Variants in CTNNA2 observed in about 807,000 individuals in gnomAD.
CTNNA2 encodes the protein catenin alpha 2.
In CTNNA2, 42 loss-of-function variants were observed where a neutral mutation model predicts 101.0. The observed-to-expected ratio is 0.42, with a 90% CI of 0.32 to 0.54. The LOEUF is 0.54. Ranked by LOEUF, CTNNA2 falls within the 20% of genes least tolerant of loss-of-function variation. The probability of loss-of-function intolerance (pLI) is 0.14; values close to 1 mark genes in which losing one functional copy is unlikely to be tolerated. For missense variants in CTNNA2, 871 were observed against 1,223.1 expected (o/e 0.71, Z 4.29); for synonymous variants, 450 against 456.4 (o/e 0.99, Z 0.18).
chr2:79,875,418 T>C (rs548014085), intron 6 of CTNNA2, among the ~76,000 whole-genome samples: 2 of 152,304 alleles, frequency 1.3e-5, no homozygotes, highest in Admixed American at 1.3e-4. Flanking sequence ...CACCATTTAA[T>C]TGATAAAACA....
intron 2 of CTNNA2, among the ~76,000 whole-genome samples, chr2:79,272,403 C>T (rs1320063964): frequency 6.6e-6 from 1 of 151,918 alleles, no homozygotes; most frequent in East Asian, 1.9e-4. Flanking sequence ...AAAAACCAAA[C>T]AAAAATGGTG....
At chr2:80,154,701 T>C (rs571330972) in intron 7 of CTNNA2, among the ~76,000 whole-genome samples, 2 of 152,308 alleles carry the variant, frequency 1.3e-5, no homozygotes, top group South Asian at 4.1e-4. Context: ...TCACTCCTAA[T>C]ACCTGCTGAG....
intron 2 of CTNNA2, among the ~76,000 whole-genome samples, chr2:79,721,562 G>A (rs933537870): frequency 3.0e-4 from 45 of 152,176 alleles, no homozygotes; most frequent in African/African-American, 8.9e-4. Flanking sequence ...TCATATCATT[G>A]CCAGACCTAC....
intron 3 of CTNNA2, among the ~76,000 whole-genome samples, chr2:79,796,096 A>G (rs1310152084): frequency 6.6e-6 from 1 of 152,140 alleles, no homozygotes; most frequent in Non-Finnish European, 1.5e-5. Context: ...CTGCTCTTTA[A>G]TACATTTATA....
chr2:79,517,754 C>T (rs573508523), intron 1 of CTNNA2, among the ~76,000 whole-genome samples: 219 of 152,306 alleles, frequency 1.4e-3, no homozygotes, highest in Non-Finnish European at 2.5e-3. Context: ...ACTCATAACA[C>T]ATTTTACAAA....
chr2:80,295,872 A>T (rs1675694957), intron 7 of CTNNA2, among the ~76,000 whole-genome samples: 1 of 152,174 alleles, frequency 6.6e-6, no homozygotes, highest in Admixed American at 6.5e-5. Context: ...CTAGTTCCTT[A>T]TAATTTCATC....
intron 1 of CTNNA2, among the ~76,000 whole-genome samples, chr2:79,189,996 T>G (rs1319652545): frequency 6.6e-6 from 1 of 152,116 alleles, no homozygotes; most frequent in Admixed American, 6.6e-5. Context: ...GCACAATTTA[T>G]TTTCTTCTTT....
intron 2 of CTNNA2, among the ~76,000 whole-genome samples, chr2:79,701,997 CAAAAAAA>C (rs58716617): frequency 5.3e-5 from 4 of 75,432 alleles, no homozygotes; most frequent in Non-Finnish European, 4.9e-5. Context: ...GACTCTGTCT[CAAAAAAA>C]AAAAAAAAAA....
At chr2:80,524,225 C>T (rs1268962029) in intron 9 of CTNNA2, among the ~76,000 whole-genome samples, 1 of 152,164 alleles carries the variant, frequency 6.6e-6, no homozygotes, top group Non-Finnish European at 1.5e-5. Flanking sequence ...TGTACTTCAC[C>T]TCCAAGTGTT....
At chr2:80,025,311 T>C (rs1387031501) in intron 7 of CTNNA2, among the ~76,000 whole-genome samples, 1 of 152,214 alleles carries the variant, frequency 6.6e-6, no homozygotes, top group African/African-American at 2.4e-5. Context: ...ACCCACCCTC[T>C]TCTACCCAGC....
intron 4 of CTNNA2, among the ~76,000 whole-genome samples, chr2:79,413,192 G>C (rs1213658839): frequency 6.6e-6 from 1 of 151,778 alleles, no homozygotes; most frequent in Non-Finnish European, 1.5e-5. Context: ...GGAGGGGGTG[G>C]TTCTGGGAAA....
At chr2:79,299,367 A>G (rs1240531503) in intron 2 of CTNNA2, among the ~76,000 whole-genome samples, 1 of 152,182 alleles carries the variant, frequency 6.6e-6, no homozygotes, top group Non-Finnish European at 1.5e-5. Context: ...TGCCAGCGTC[A>G]TAGGCTACAA....
At chr2:79,298,601 C>T (rs1302689071) in intron 2 of CTNNA2, among the ~76,000 whole-genome samples, 3 of 152,174 alleles carry the variant, frequency 2.0e-5, no homozygotes, top group African/African-American at 7.2e-5. Flanking sequence ...CCCAATTCCA[C>T]ATTCCTTAAG....
At chr2:80,154,302 A>G (rs1001320984) in intron 7 of CTNNA2, among the ~76,000 whole-genome samples, 2 of 152,154 alleles carry the variant, frequency 1.3e-5, no homozygotes, top group African/African-American at 4.8e-5. Flanking sequence ...GCTATTGGAA[A>G]GGTGAATCGC....
intron 7 of CTNNA2, among the ~76,000 whole-genome samples, chr2:80,095,454 C>G (rs1490041315): frequency 7.9e-5 from 12 of 151,686 alleles, no homozygotes; most frequent in African/African-American, 2.4e-4. Context: ...GGATATTGGT[C>G]TAAAATTCTC....
At chr2:80,327,350 G>C (rs1041866956) in intron 7 of CTNNA2, among the ~76,000 whole-genome samples, 3 of 152,186 alleles carry the variant, frequency 2.0e-5, no homozygotes, top group Non-Finnish European at 4.4e-5. Flanking sequence ...GATGGGAATG[G>C]ATTTGGTGGT....
chr2:80,254,463 G>A (rs1035726202), intron 7 of CTNNA2, among the ~76,000 whole-genome samples: 2 of 152,110 alleles, frequency 1.3e-5, no homozygotes, highest in Admixed American at 1.3e-4. Flanking sequence ...GCCAAGGTAT[G>A]GGGGGAGCTG....
chr2:79,834,049 A>G (rs1011439169), intron 3 of CTNNA2, among the ~76,000 whole-genome samples: 3 of 152,158 alleles, frequency 2.0e-5, no homozygotes, highest in Non-Finnish European at 4.4e-5. Flanking sequence ...GAAACACACA[A>G]TTGCACTAAA....
At chr2:80,455,046 T>G (rs1244221048) in intron 9 of CTNNA2, among the ~76,000 whole-genome samples, 1 of 151,872 alleles carries the variant, frequency 6.6e-6, no homozygotes, top group Admixed American at 6.5e-5. Flanking sequence ...CAGCAGAACT[T>G]GGACCAAAAG....
Sources: allele counts gnomAD v4.1 joint callset (sites outside exome capture counted in the v4.1 genomes callset), GRCh38; gene constraint gnomAD v4.1.1; transcripts MANE v1.5; gene names NCBI Gene and HGNC (gene_info 2026-07-23, HGNC 2026-07-21).